Variants in EML6 observed in about 807,000 individuals in gnomAD.
The protein encoded by EML6 is echinoderm microtubule-associated protein-like 6.
EML6 carries 154 observed loss-of-function variants against 240.1 expected under a neutral mutation model. That is an observed-to-expected ratio of 0.64 (90% confidence interval 0.56 to 0.73). EML6 has a LOEUF of 0.73. EML6 is among the 30% of genes least tolerant of loss of function. The pLI, the probability that EML6 is intolerant of heterozygous loss-of-function variation, is 0.00. For synonymous variants in EML6, 1,148 were observed against 899.0 expected, an observed-to-expected ratio of 1.28 and a Z score of -4.95; for missense variants, 2,964 against 2,474.6, an observed-to-expected ratio of 1.20 and a Z score of -4.20.
At chr2:54,899,884 GC>G in intron 22 of EML6, 102 bp downstream of exon 22, 1 of 1,151,136 alleles carries the variant, frequency 8.7e-7, no homozygotes, top group Non-Finnish European at 1.2e-6. Flanking sequence ...CGTGTTATAT[GC>G]CCATAAATAT....
chr2:54,784,461 T>A (rs1189669573), intron 2 of EML6, among the ~76,000 whole-genome samples: 1 of 152,198 alleles, frequency 6.6e-6, no homozygotes, highest in Non-Finnish European at 1.5e-5. Flanking sequence ...GTACCACTAA[T>A]AATGAATTTG....
chr2:54,921,502 C>G (rs1275012002), intron 26 of EML6, among the ~76,000 whole-genome samples: 1 of 151,930 alleles, frequency 6.6e-6, no homozygotes, highest in Non-Finnish European at 1.5e-5. Flanking sequence ...TCACACTACC[C>G]AAAAAATAAT....
At chr2:54,907,946 AAGATAGAT>A (rs11267419) in intron 24 of EML6, among the ~76,000 whole-genome samples, 2,919 of 37,602 alleles carry the variant, frequency 0.078, 56 homozygotes, top group Non-Finnish European at 0.091. Flanking sequence ...ATAGATAGAT[AAGATAGAT>A]AGATAGATAG....
intron 2 of EML6, among the ~76,000 whole-genome samples, chr2:54,773,433 G>C (rs904651298): frequency 6.6e-6 from 1 of 152,218 alleles, no homozygotes; most frequent in Non-Finnish European, 1.5e-5. Context: ...ATCCGTAACT[G>C]AGCCCAGTCT....
chr2:54,793,250 GA>G (rs1669557618), intron 2 of EML6, among the ~76,000 whole-genome samples: 1 of 152,154 alleles, frequency 6.6e-6, no homozygotes, highest in African/African-American at 2.4e-5. Context: ...CTGGGCAACA[GA>G]GCAAGACTGT....
At chr2:54,867,182 C>A in intron 14 of EML6, 1 of 210,874 alleles carries the variant, frequency 4.7e-6, no homozygotes, top group Non-Finnish European at 9.5e-6. Flanking sequence ...TCTTTCTCAT[C>A]ACCATCTTCA....
chr2:54,750,898 C>G (rs145679594), intron 2 of EML6, among the ~76,000 whole-genome samples: 1 of 152,028 alleles, frequency 6.6e-6, no homozygotes, highest in Non-Finnish European at 1.5e-5. Flanking sequence ...CAGTCCTCCC[C>G]GAGCCACATG....
intron 12 of EML6, among the ~76,000 whole-genome samples, chr2:54,861,908 C>G (rs539370331): frequency 3.3e-5 from 5 of 151,966 alleles, no homozygotes; most frequent in African/African-American, 1.2e-4. Flanking sequence ...ATTTACCCAA[C>G]AGGGAATTCA....
At chr2:54,932,379 C>T (rs1674909180) in intron 28 of EML6, among the ~76,000 whole-genome samples, 2 of 152,182 alleles carry the variant, frequency 1.3e-5, no homozygotes, top group Admixed American at 1.3e-4. Flanking sequence ...GGAATCCATG[C>T]TTTCACTCCT....
At chr2:54,738,148 C>T (rs962169493) in intron 2 of EML6, among the ~76,000 whole-genome samples, 1 of 152,066 alleles carries the variant, frequency 6.6e-6, no homozygotes, top group Non-Finnish European at 1.5e-5. Context: ...TCCATCTTGG[C>T]TCTTTAAAAT....
intron 11 of EML6, among the ~76,000 whole-genome samples, chr2:54,858,546 C>T (rs556483149): frequency 5.3e-5 from 8 of 152,272 alleles, no homozygotes; most frequent in South Asian, 2.1e-4. Flanking sequence ...GACTTTATTA[C>T]GAAACTGATT....
chr2:54,861,311 A>T (rs1670660499), intron 12 of EML6, among the ~76,000 whole-genome samples: 1 of 152,204 alleles, frequency 6.6e-6, no homozygotes, highest in East Asian at 1.9e-4. Flanking sequence ...AGCTCTGGAA[A>T]TTGATGGGGC....
At chr2:54,840,893 T>C (rs1669410299) in intron 7 of EML6, among the ~76,000 whole-genome samples, 1 of 152,214 alleles carries the variant, frequency 6.6e-6, no homozygotes, top group Admixed American at 6.5e-5. Context: ...TCTTCTTCCT[T>C]CCTGATGATG....
intron 2 of EML6, among the ~76,000 whole-genome samples, chr2:54,753,806 G>A (rs1298734475): frequency 2.0e-5 from 3 of 151,584 alleles, no homozygotes; most frequent in Non-Finnish European, 4.4e-5. Context: ...CGAGTAGTTG[G>A]GACTACAGGT....
chr2:54,798,320 G>A (rs978017354), intron 2 of EML6, among the ~76,000 whole-genome samples: 19 of 152,010 alleles, frequency 1.2e-4, no homozygotes, highest in Admixed American at 8.5e-4. Context: ...TTATAGGTGC[G>A]CACCACCATG....
At chr2:54,863,719 G>A in intron 12 of EML6, 64 bp from the exon 13 acceptor site, 1 of 778,926 alleles carries the variant, frequency 1.3e-6, no homozygotes, top group Non-Finnish European at 2.2e-6. Context: ...AAATATTTTA[G>A]ATAATTTCAG....
Position 54,928,318 on chromosome 2 carries a change from G to T in EML6, c.3681G>T (p.Gln1227His). The stretch of plus-strand genomic sequence containing the variant: ...ACCAATTTCGGGCTTTACAGGGACA[G>T]CACGCAAGATTCAAGAAGTATGTGG... ...VKLFSYPVKG[Q>H]HARFKKYVGH... The change falls in exon 27 of 42, where the codon CAG (glutamine) becomes CAT (histidine). Residue 1227 changes from glutamine to histidine, a missense_variant. Coordinates refer to ENST00000356458, the MANE Select transcript of EML6 (RefSeq NM_001039753.4). 6.4e-7 allele frequency: 1 copy of T among 1,551,828 alleles called. No individual in the cohort carries two copies. Among genetic ancestry groups the T allele is most frequent in the Non-Finnish European group, 8.7e-7 (1 of 1,146,912 alleles).
At chr2:54,797,008 C>CA (rs1219296893) in intron 2 of EML6, among the ~76,000 whole-genome samples, 2 of 151,084 alleles carry the variant, frequency 1.3e-5, no homozygotes, top group African/African-American at 2.4e-5. Flanking sequence ...CTTAAAAATA[C>CA]AAAAAAATTA....
intron 8 of EML6, 95 bp from the exon 9 acceptor site, chr2:54,847,391 A>T: frequency 7.8e-7 from 1 of 1,290,090 alleles, no homozygotes; most frequent in Non-Finnish European, 1.1e-6. Flanking sequence ...TTTTCTTGTT[A>T]CTGTTGGTGT....
Sources: allele counts gnomAD v4.1 joint callset (sites outside exome capture counted in the v4.1 genomes callset), GRCh38; gene constraint gnomAD v4.1.1; transcripts MANE v1.5; gene names NCBI Gene and HGNC (gene_info 2026-07-23, HGNC 2026-07-21).